DLGAP2: variants seen among roughly 807,000 people sequenced by gnomAD.
DLGAP2 encodes the protein disks large-associated protein 2.
A neutral mutation model predicts 100.3 loss-of-function variants in DLGAP2; 26 were observed. The ratio of observed to expected loss-of-function variants is 0.26; its 90% CI spans 0.19 to 0.36. DLGAP2 has a LOEUF of 0.36. Ranked by LOEUF, DLGAP2 falls within the 10% of genes least tolerant of loss-of-function variation. The pLI is 1.00. For missense variants in DLGAP2, 1,858 were observed against 1,453.2 expected, an observed-to-expected ratio of 1.28 and a Z score of -4.53; for synonymous variants, 886 against 630.1, an observed-to-expected ratio of 1.41 and a Z score of -6.08.
At chr8:1,524,624 C>T (rs1800726706) in intron 4 of DLGAP2, among the ~76,000 whole-genome samples, 1 of 152,052 alleles carries the variant, frequency 6.6e-6, no homozygotes, top group Non-Finnish European at 1.5e-5. Context: ...TTTTTGTGTC[C>T]CCATATCATC....
At chr8:1,510,751 T>G (rs997710288) in intron 4 of DLGAP2, among the ~76,000 whole-genome samples, 1 of 152,198 alleles carries the variant, frequency 6.6e-6, no homozygotes, top group Non-Finnish European at 1.5e-5. Context: ...CTGTAGGACC[T>G]TTTGAGTATC....
At chr8:848,936 AGCATAGGAACG>A (rs1563061941) in intron 1 of DLGAP2, among the ~76,000 whole-genome samples, 1 of 150,926 alleles carries the variant, frequency 6.6e-6, no homozygotes, top group Non-Finnish European at 1.5e-5. Context: ...TGCCTGTTCC[AGCATAGGAACG>A]CGCGGTGCCT....
intron 10 of DLGAP2, among the ~76,000 whole-genome samples, chr8:1,675,030 C>T (rs1798778149): frequency 6.6e-6 from 1 of 152,216 alleles, no homozygotes; most frequent in Admixed American, 6.5e-5. Context: ...AGGCCAGGAT[C>T]TTCACTCAAG....
chr8:1,506,140 C>G (rs961017823), intron 4 of DLGAP2, among the ~76,000 whole-genome samples: 8 of 152,266 alleles, frequency 5.3e-5, no homozygotes, highest in Admixed American at 2.0e-4. Flanking sequence ...TTAATCATCT[C>G]CACAGCATTT....
rs879845180 is a variant in DLGAP2 at position 1,276,643 on chromosome 8, C to CTAG, written c.106+17760_106+17761insTAG. Among the ~76,000 whole-genome samples, 914 of 152,230 alleles carry CTAG rather than the reference C, an allele frequency of 6.0e-3. 11 individuals carry two copies. The highest frequency in any genetic ancestry group is 0.032 in the Admixed American group (488 of 15,292). On this transcript the variant is annotated intron_variant, in intron 3 of 14. Coordinates refer to ENST00000637795, the MANE Select transcript of DLGAP2 (RefSeq NM_001346810.2). ...GTCTTGTGTCGGTGCTTTGACTTCC[C>CTAG]AGCACACGTCCCCAGACTCCTCTAG... is the stretch of plus-strand genomic sequence containing the variant.
Position 1,701,574 on chromosome 8 carries a change from C to T in DLGAP2, c.*168C>T, listed in dbSNP as rs1215134335. Reference sequence around the variant, plus strand: ...ACGCGGCCGGCGGCCTCAGAGTCCACGGAGCTCGCGGCGAGGACGACTTCT... The same window carrying T: ...ACGCGGCCGGCGGCCTCAGAGTCCATGGAGCTCGCGGCGAGGACGACTTCT... On this transcript the variant is annotated 3_prime_UTR_variant, in exon 15 of 15. Transcript: ENST00000637795. The T allele has an allele frequency of 2.8e-6, 2 of 702,804 alleles. No individual in the cohort carries two copies. Among genetic ancestry groups the T allele is most frequent in the East Asian group, 2.8e-5 (1 of 35,266 alleles). The allele number at this position is 702,804 out of a possible 1,614,324, so 43.5% of individuals were successfully genotyped here. A position where few individuals can be genotyped will look rare whatever the true frequency, so the allele number is the denominator to read the frequency against.
At chr8:1,509,328 CA>C (rs11307586) in intron 4 of DLGAP2, among the ~76,000 whole-genome samples, 19,584 of 137,324 alleles carry the variant, frequency 0.14, 1,216 homozygotes, top group Non-Finnish European at 0.16. Flanking sequence ...AGACTCCGTC[CA>C]AAAAAAAAAA....
At position 1,548,687 on chromosome 8, in the gene DLGAP2, C is replaced by A; in HGVS notation, c.234C>A (p.Pro78=). 2 of 1,605,224 alleles carry A rather than the reference C, an allele frequency of 1.2e-6. No individual in the cohort carries two copies. Among genetic ancestry groups the A allele is most frequent in the Non-Finnish European group, 1.7e-6 (2 of 1,177,100 alleles). ...HFNEERYSPA[P]RSMKGLSGSR... is the part of the protein sequence containing the mutation. Reference sequence around the variant, plus strand: ...ATGAGGAGCGCTACTCGCCCGCGCCCAGGAGCATGAAGGGCCTTTCCGGAA... The same window carrying A: ...ATGAGGAGCGCTACTCGCCCGCGCCAAGGAGCATGAAGGGCCTTTCCGGAA... The change falls in exon 5 of 15, where the codon CCC becomes CCA. Residue 78 remains proline (P), a synonymous_variant. Coordinates refer to ENST00000637795, the MANE Select transcript of DLGAP2 (RefSeq NM_001346810.2).
intron 1 of DLGAP2, among the ~76,000 whole-genome samples, chr8:833,180 G>T (rs1023302121): frequency 1.3e-5 from 2 of 152,214 alleles, no homozygotes; most frequent in African/African-American, 4.8e-5. Flanking sequence ...CTCTGTCAGA[G>T]TAGTGGTGAC....
intron 3 of DLGAP2, among the ~76,000 whole-genome samples, chr8:1,473,623 G>A (rs572453928): frequency 1.3e-5 from 2 of 152,156 alleles, no homozygotes; most frequent in Non-Finnish European, 2.9e-5. Flanking sequence ...TCTTGAATAC[G>A]GTGTAGGCTA....
chr8:921,659 G>A (rs990505644), intron 2 of DLGAP2, among the ~76,000 whole-genome samples: 3 of 152,240 alleles, frequency 2.0e-5, no homozygotes, highest in African/African-American at 7.2e-5. Flanking sequence ...TGTTACAGAT[G>A]CTGTTCTGTA....
Position 1,408,600 on chromosome 8 carries a change from T to C in DLGAP2, c.107-92766T>C, listed in dbSNP as rs952721944. 3.3e-5 allele frequency among the ~76,000 whole-genome samples: 5 copies of C among 152,218 alleles called. 1 individual carries two copies. Among genetic ancestry groups the C allele is most frequent in the African/African-American group, 1.2e-4 (5 of 41,462 alleles). ...TTAACTGTTCGGCAACTGGAGTTTC[T>C]AAGCCTGTTTTCTGGAGCAGGCAAC... On this transcript the variant is annotated intron_variant, in intron 3 of 14. Coordinates refer to ENST00000637795, the MANE Select transcript of DLGAP2 (RefSeq NM_001346810.2).
At chr8:1,048,751 A>G (rs1402712476) in intron 2 of DLGAP2, among the ~76,000 whole-genome samples, 1 of 151,986 alleles carries the variant, frequency 6.6e-6, no homozygotes, top group Non-Finnish European at 1.5e-5. Context: ...CTGTCCCCAC[A>G]TCTGCCGCCG....
At chr8:867,528 C>T (rs958490885) in intron 1 of DLGAP2, among the ~76,000 whole-genome samples, 4 of 152,320 alleles carry the variant, frequency 2.6e-5, no homozygotes, top group Non-Finnish European at 4.4e-5. Context: ...TATGTCATTA[C>T]GTGGCTTTCT....
rs562289125 is a variant in DLGAP2 at position 880,672 on chromosome 8, C to G, written c.19-27240C>G. 2.7e-3 allele frequency among the ~76,000 whole-genome samples: 405 copies of G among 150,432 alleles called. 1 individual carries two copies. The highest frequency in any genetic ancestry group is 9.1e-3 in the African/African-American group (370 of 40,778). ...TGCTGGGGAGACTTTATAGGTGGGT[C>G]GGGGTGACCGTCCAGTGTGTGTCCC... On this transcript the variant is annotated intron_variant, in intron 1 of 14. Coordinates refer to ENST00000637795, the MANE Select transcript of DLGAP2 (RefSeq NM_001346810.2).
At chr8:1,310,591 G>A (rs1328280391) in intron 3 of DLGAP2, among the ~76,000 whole-genome samples, 1 of 152,186 alleles carries the variant, frequency 6.6e-6, no homozygotes, top group Non-Finnish European at 1.5e-5. Context: ...CCACATGTTA[G>A]GCCAAAAGAC....
chr8:1,587,293 T>C (rs1382750996), intron 6 of DLGAP2, among the ~76,000 whole-genome samples: 4 of 152,194 alleles, frequency 2.6e-5, no homozygotes, highest in Non-Finnish European at 5.9e-5. Context: ...AAAAATAACT[T>C]TGCCTATAGT....
chr8:1,347,005 G>A (rs1052786706), intron 3 of DLGAP2, among the ~76,000 whole-genome samples: 3 of 152,008 alleles, frequency 2.0e-5, no homozygotes, highest in African/African-American at 7.3e-5. Context: ...TAGCTGTGTG[G>A]AGGTTGAGTT....
chr8:1,267,636 G>A (rs56274328), intron 3 of DLGAP2, among the ~76,000 whole-genome samples: 1,145 of 20,664 alleles, frequency 0.055, 129 homozygotes, highest in African/African-American at 0.19. Flanking sequence ...ATATTAAATA[G>A]GTCTACAAAA....
Sources: gnomAD v4.1 joint callset for allele counts (sites outside exome capture counted in the v4.1 genomes callset) on GRCh38, gnomAD v4.1.1 for gene constraint, MANE v1.5 for transcripts, NCBI Gene and HGNC (gene_info 2026-07-23, HGNC 2026-07-21) for gene names.